The following RASGRP1 variants were observed in gnomAD, a reference collection of about 807,000 sequenced individuals.
RASGRP1 encodes the protein RAS guanyl releasing protein 1.
Under a neutral mutation model 95.1 loss-of-function variants are expected in RASGRP1, and 37 were observed. The observed-to-expected ratio is 0.39, with a 90% CI of 0.30 to 0.51. The LOEUF (loss-of-function observed/expected upper bound fraction) is 0.51, where lower values mean the gene tolerates loss of function less well. Among genes scored for constraint, RASGRP1 ranks in the 20% least tolerant of loss-of-function variants. The pLI is 0.80. For missense variants in RASGRP1, 711 were observed against 965.4 expected (o/e 0.74, Z 3.49); for synonymous variants, 325 against 353.4 (o/e 0.92, Z 0.90).
At chr15:38,505,199 A>G (rs1193085898) in intron 10 of RASGRP1, among the ~76,000 whole-genome samples, 2 of 152,138 alleles carry the variant, frequency 1.3e-5, no homozygotes, top group East Asian at 3.9e-4. Context: ...ACGTCCCAGG[A>G]GACTGAAGTG....
intron 13 of RASGRP1, 102 bp downstream of exon 13, chr15:38,501,041 A>G (rs1890998859): frequency 3.0e-6 from 4 of 1,341,586 alleles, no homozygotes; most frequent in Non-Finnish European, 4.0e-6. Flanking sequence ...TCTGGGCTCC[A>G]AGCTGGGATG....
rs532028702 is a variant in RASGRP1, at chr15:38,489,345, A to G, written c.*1209T>C. Reference sequence around the variant, plus strand: ...ATGAGCCCATTTATTATTAACCTTCATAATAGAAAACTCACAGGATTGTTA... The same window carrying G: ...ATGAGCCCATTTATTATTAACCTTCGTAATAGAAAACTCACAGGATTGTTA... On this transcript the variant is annotated 3_prime_UTR_variant, in exon 17 of 17. Coordinates refer to ENST00000310803, the MANE Select transcript of RASGRP1 (RefSeq NM_005739.4). The G allele has an allele frequency of 6.8e-4, 103 of 152,116 alleles. 1 individual carries two copies. Among genetic ancestry groups the G allele is most frequent in the African/African-American group, 2.2e-3 (93 of 41,560 alleles). The allele number at this position is 152,116 out of a possible 1,614,324, so 9.4% of individuals were successfully genotyped here. A position where few individuals can be genotyped will look rare whatever the true frequency, so the allele number is the denominator to read the frequency against.
chr15:38,509,899 G>C (rs974056531), intron 8 of RASGRP1, among the ~76,000 whole-genome samples: 3 of 152,060 alleles, frequency 2.0e-5, no homozygotes, highest in Admixed American at 2.0e-4. Flanking sequence ...TGTGGCCTAC[G>C]AAGTACCATT....
chr15:38,512,989 A>T (rs1566918722), intron 6 of RASGRP1, 33 bp from the exon 7 acceptor site: 2 of 1,466,290 alleles, frequency 1.4e-6, no homozygotes, highest in Non-Finnish European at 1.8e-6. Context: ...AACAAAAAAA[A>T]CCTATCAGTA....
intron 13 of RASGRP1, 68 bp from the exon 14 acceptor site, chr15:38,500,207 T>C (rs2141087572): frequency 6.7e-7 from 1 of 1,494,050 alleles, no homozygotes; most frequent in African/African-American, 1.4e-5. Context: ...CAAGGTGACA[T>C]TCCTTTATTT....
At chr15:38,536,350 G>T (rs2141157668) in intron 2 of RASGRP1, among the ~76,000 whole-genome samples, 1 of 152,258 alleles carries the variant, frequency 6.6e-6, no homozygotes, top group East Asian at 1.9e-4. Context: ...GCTGGCAAAG[G>T]GCCAGTGGAC....
At chr15:38,516,867 C>G (rs1224562977) in intron 5 of RASGRP1, among the ~76,000 whole-genome samples, 2 of 152,084 alleles carry the variant, frequency 1.3e-5, no homozygotes, top group Non-Finnish European at 2.9e-5. Context: ...TCACTCTTGG[C>G]AGAGTTGTGT....
chr15:38,512,770 A>G lies in RASGRP1; in HGVS notation c.849+13T>C, dbSNP rs1595842936. Reference sequence around the variant, plus strand: ...TTATAGCCCAAGCCAAATGTCTTAAACCAGTTATTCACCTGAGCCACCTGG... The same window carrying G: ...TTATAGCCCAAGCCAAATGTCTTAAGCCAGTTATTCACCTGAGCCACCTGG... On this transcript the variant is annotated intron_variant, in intron 7 of 16. Coordinates refer to ENST00000310803, the MANE Select transcript of RASGRP1 (RefSeq NM_005739.4). The G allele has an allele frequency of 1.2e-6, 2 of 1,613,442 alleles. No individual in the cohort carries two copies. Among genetic ancestry groups the G allele is most frequent in the Non-Finnish European group, 8.5e-7 (1 of 1,179,582 alleles).
chr15:38,505,801 G>A (rs765478394), intron 10 of RASGRP1, 39 bp downstream of exon 10: 3 of 1,471,528 alleles, frequency 2.0e-6, no homozygotes, highest in South Asian at 2.3e-5. Context: ...AGCTTGTAAA[G>A]CACCTGTTAC....
At chr15:38,501,811 A>G (rs1449529898) in intron 12 of RASGRP1, among the ~76,000 whole-genome samples, 1 of 152,032 alleles carries the variant, frequency 6.6e-6, no homozygotes, top group African/African-American at 2.4e-5. Flanking sequence ...TTTATAGTTG[A>G]CTATTTATAA....
chr15:38,529,522 C>A (rs1043620083), intron 2 of RASGRP1, among the ~76,000 whole-genome samples: 1 of 152,216 alleles, frequency 6.6e-6, no homozygotes, highest in African/African-American at 2.4e-5. Context: ...TCAGAGAAGT[C>A]TTTTCTAAAC....
At chr15:38,541,159 C>T (rs2141166372) in intron 2 of RASGRP1, among the ~76,000 whole-genome samples, 1 of 152,306 alleles carries the variant, frequency 6.6e-6, no homozygotes, top group East Asian at 1.9e-4. Context: ...CTTTCACATG[C>T]ATTATCTCAT....
At chr15:38,523,816 G>A (rs1241032083) in intron 3 of RASGRP1, among the ~76,000 whole-genome samples, 2 of 152,140 alleles carry the variant, frequency 1.3e-5, no homozygotes, top group African/African-American at 4.8e-5. Flanking sequence ...CTGCTGTACA[G>A]GTTTGTAGCC....
At chr15:38,545,597 G>T (rs1399235249) in intron 2 of RASGRP1, among the ~76,000 whole-genome samples, 1 of 151,838 alleles carries the variant, frequency 6.6e-6, no homozygotes, top group East Asian at 1.9e-4. Context: ...GGTAAGAGAT[G>T]CATGATTTAC....
At chr15:38,562,550 T>A (rs1893853364) in intron 1 of RASGRP1, among the ~76,000 whole-genome samples, 2 of 152,234 alleles carry the variant, frequency 1.3e-5, no homozygotes, top group Non-Finnish European at 1.5e-5. Context: ...GCTGCCTTTG[T>A]CACCATTAAG....
chr15:38,560,017 G>A lies in RASGRP1; in HGVS notation c.36-12C>T. 2 of 1,605,564 alleles carry A rather than the reference G, an allele frequency of 1.2e-6. No individual in the cohort carries two copies. Among genetic ancestry groups the A allele is most frequent in the Non-Finnish European group, 1.7e-6 (2 of 1,174,626 alleles). ...CATGGGAAGGTTTCCTGGGGAAAGA[G>A]AGAAGGCAGTGAGGGGACAAACGGG... On this transcript the variant is annotated splice_polypyrimidine_tract_variant and intron_variant, in intron 1 of 16. Transcript: ENST00000310803.
At chr15:38,513,093 T>G (rs1208568496) in intron 6 of RASGRP1, 137 bp from the exon 7 acceptor site, 2 of 844,158 alleles carry the variant, frequency 2.4e-6, no homozygotes, top group African/African-American at 3.6e-5. Flanking sequence ...CTCCTGGTGC[T>G]CTTCTGCATC....
intron 3 of RASGRP1, among the ~76,000 whole-genome samples, chr15:38,520,052 A>G (rs1057063747): frequency 6.6e-6 from 1 of 152,210 alleles, no homozygotes; most frequent in African/African-American, 2.4e-5. Context: ...AAGAATAGCA[A>G]GATCTCATCA....
intron 2 of RASGRP1, among the ~76,000 whole-genome samples, chr15:38,529,121 C>G (rs1892342127): frequency 6.6e-6 from 1 of 152,150 alleles, no homozygotes; most frequent in African/African-American, 2.4e-5. Flanking sequence ...TTGGCCTCAC[C>G]CTAGTTGTAG....
Sources: allele counts gnomAD v4.1 joint callset (sites outside exome capture counted in the v4.1 genomes callset), GRCh38; gene constraint gnomAD v4.1.1; transcripts MANE v1.5; gene names NCBI Gene and HGNC (gene_info 2026-07-23, HGNC 2026-07-21).